BRIX1: variants seen among roughly 807,000 people sequenced by gnomAD.
The protein encoded by BRIX1 is biogenesis of ribosomes BRX1.
Under a neutral mutation model 44.0 loss-of-function variants are expected in BRIX1, and 15 were observed. The ratio of observed to expected loss-of-function variants is 0.34; its 90% CI spans 0.23 to 0.53. BRIX1 has a LOEUF of 0.53. BRIX1 is among the 20% of genes least tolerant of loss of function. The pLI is 0.95. For missense variants in BRIX1, 420 were observed against 432.8 expected (o/e 0.97, Z 0.26); for synonymous variants, 149 against 135.4 (o/e 1.10, Z -0.70).
At chr5:34,920,673 C>G (rs1241739723) in intron 3 of BRIX1, 2 of 152,054 alleles carry the variant, frequency 1.3e-5, no homozygotes, top group African/African-American at 2.4e-5. Context: ...AAAACCTGTT[C>G]AAAGGGATGG....
rs754856904 is a variant in BRIX1 at position 34,918,395 on chromosome 5, T to G, written c.191T>G (p.Ile64Ser). 6.3e-7 allele frequency: 1 copy of G among 1,587,618 alleles called. No individual in the cohort carries two copies. The highest frequency in any genetic ancestry group is 1.1e-5 in the South Asian group (1 of 89,044). ...TGGAAAAATAAGGAACGGATTCTCA[T>G]CTTTTCTTCCAGAGGAATAAATTTT... ...GKWKNKERIL[I>S]FSSRGINFRT... The change falls in exon 2 of 10, where the codon ATC becomes AGC. Residue 64 changes from isoleucine (I) to serine (S), a missense_variant. By Grantham distance (142) the Ile-to-Ser change is moderately radical (BLOSUM62 -2). Transcript: ENST00000336767.
chr5:34,920,538 A>G (rs1441690730), intron 3 of BRIX1: 1 of 152,204 alleles, frequency 6.6e-6, no homozygotes, highest in Non-Finnish European at 1.5e-5. Flanking sequence ...CAACAGAGCA[A>G]TGTCCCTGTC....
intron 8 of BRIX1, 58 bp downstream of exon 8, chr5:34,923,292 G>A: frequency 7.4e-7 from 1 of 1,349,046 alleles, no homozygotes; most frequent in Non-Finnish European, 1.1e-6. Flanking sequence ...ATTTATTTAT[G>A]TTTTGAGACA....
chr5:34,922,864 C>T, intron 6 of BRIX1, 96 bp downstream of exon 6: 1 of 1,319,354 alleles, frequency 7.6e-7, no homozygotes, highest in Non-Finnish European at 1.1e-6. Context: ...GTTTCACCCC[C>T]ACCTTGGTTT....
chr5:34,924,807 CGT>C, intron 8 of BRIX1, 38 bp from the exon 9 acceptor site: 1 of 1,477,272 alleles, frequency 6.8e-7, no homozygotes, highest in Non-Finnish European at 9.4e-7. Flanking sequence ...TTGGGAATAA[CGT>C]AACCAAACCA....
At position 34,922,995 on chromosome 5, in the gene BRIX1, TTA is replaced by T. The variant is rs1192627080; in HGVS notation, c.511-3_511-2del. 4.6e-6 allele frequency: 7 copies of T among 1,515,388 alleles called. No individual in the cohort carries two copies. The highest frequency in any genetic ancestry group is 6.4e-6 in the Non-Finnish European group (7 of 1,094,462). The allele number at this position is 1,515,388 out of a possible 1,614,324, so 93.9% of individuals were successfully genotyped here. On this transcript the variant is annotated splice_region_variant and splice_polypyrimidine_tract_variant and intron_variant, in intron 6 of 9. Coordinates refer to ENST00000336767, the MANE Select transcript of BRIX1 (RefSeq NM_018321.4). ...GTTAAATAATATGCTTACCTTATTT[TTA>T]TAGGCTTTTGATGAATTACCACATT...
intron 1 of BRIX1, chr5:34,916,441 T>C (rs374514161): frequency 3.3e-5 from 5 of 152,376 alleles, no homozygotes; most frequent in African/African-American, 9.6e-5. Context: ...TCAACAGACA[T>C]TGAATGTGCC....
chr5:34,923,301 C>A, intron 8 of BRIX1, 67 bp downstream of exon 8: 1 of 1,269,904 alleles, frequency 7.9e-7, no homozygotes, highest in Non-Finnish European at 1.1e-6. Flanking sequence ...TGTTTTGAGA[C>A]AGAGTCTCGC....
At position 34,922,282 on chromosome 5, in the gene BRIX1, T is replaced by C. The variant is rs1268122379; in HGVS notation, c.381T>C (p.Tyr127=). ...YFEAKKKQDL[Y]MWLSNSPHGP... Reference sequence around the variant, plus strand: ...AAGCTAAGAAAAAACAGGATCTCTATATGTGGTAAGAGAATGTATTAAGAT... The same window carrying C: ...AAGCTAAGAAAAAACAGGATCTCTACATGTGGTAAGAGAATGTATTAAGAT... Residue 127 remains tyrosine (Y), a synonymous_variant, in exon 4 of 10, where the codon TAT becomes TAC. Coordinates refer to ENST00000336767, the MANE Select transcript of BRIX1 (RefSeq NM_018321.4). The C allele has an allele frequency of 5.8e-6, 9 of 1,555,824 alleles. No individual in the cohort carries two copies. The East Asian group carries it at 6.8e-5, about 12-fold the overall frequency.
rs1580513967 is a variant in BRIX1, at chr5:34,924,965, C to T, written c.782C>T (p.Ser261Leu). ...PTLYENPHYQ[S>L]PNMHRRVIRS... ...TTATATGAAAATCCTCACTACCAGT[C>T]ACCAAACATGGTAAGCGGTTGTGTC... The change falls in exon 9 of 10, where the codon TCA (serine) becomes TTA (leucine). Residue 261 changes from serine to leucine, a missense_variant. Transcript: ENST00000336767. The T allele has an allele frequency of 1.2e-6, 2 of 1,612,868 alleles. No homozygotes were observed. The highest frequency in any genetic ancestry group is 2.2e-5 in the East Asian group (1 of 44,860).
chr5:34,919,893 GA>G lies in BRIX1; in HGVS notation c.315+13del. On this transcript the variant is annotated intron_variant, in intron 3 of 9. Transcript: ENST00000336767. ...ATTTGTGATTAACGAGGTAATTTTG[GA>G]AAGTAATTGCAACAAAATATTTTTA... The G allele has an allele frequency of 1.9e-6, 2 of 1,061,430 alleles. No homozygotes were observed. The highest frequency in any genetic ancestry group is 2.8e-6 in the Non-Finnish European group (2 of 715,234). The allele number at this position is 1,061,430 out of a possible 1,614,324, so 65.8% of individuals were successfully genotyped here. A position where few individuals can be genotyped will look rare whatever the true frequency, so the allele number is the denominator to read the frequency against.
intron 1 of BRIX1, among the ~76,000 whole-genome samples, chr5:34,917,250 G>C (rs1033479869): frequency 6.6e-6 from 1 of 152,198 alleles, no homozygotes; most frequent in African/African-American, 2.4e-5. Flanking sequence ...TGATGTAGAC[G>C]TGAAAATCTA....
In BRIX1 at chr5:34,925,576, CT is replaced by C; in HGVS notation, c.*82del. On this transcript the variant is annotated 3_prime_UTR_variant, in exon 10 of 10. Transcript: ENST00000336767. ...GTGTAAATACTTTTATTATCTAATACTATCTTACGTCTAATTAGTGTAGCAT... is the reference window on the plus strand; with the variant it reads ...GTGTAAATACTTTTATTATCTAATACATCTTACGTCTAATTAGTGTAGCAT... The C allele has an allele frequency of 8.3e-7, 1 of 1,206,240 alleles. No individual in the cohort carries two copies. Among genetic ancestry groups the C allele is most frequent in the South Asian group, 1.7e-5 (1 of 59,984 alleles). 74.7% of individuals were successfully genotyped at this position (1,206,240 alleles called of 1,614,324 possible).
chr5:34,920,971 TCTC>T (rs1216788259), intron 3 of BRIX1: 2 of 152,306 alleles, frequency 1.3e-5, no homozygotes, highest in South Asian at 4.1e-4. Flanking sequence ...TTTAAGCAAT[TCTC>T]CTGCCTCAGC....
At position 34,915,952 on chromosome 5, in the gene BRIX1, C is replaced by T. The variant is rs927526606; in HGVS notation, c.159+55C>T. 1.0e-5 allele frequency: 15 copies of T among 1,480,202 alleles called. No homozygotes were observed. In the Admixed American group the frequency reaches 2.9e-4, roughly 29 times the overall value. 91.7% of individuals were successfully genotyped at this position (1,480,202 alleles called of 1,614,324 possible). On this transcript the variant is annotated intron_variant, in intron 1 of 9. Transcript: ENST00000336767. ...GCGGCGGCGGCTCTGTGCGCCTTTT[C>T]TTGGGTTACTTACTTGACTACAGCC...
At chr5:34,919,585 A>G (rs1240023143) in intron 2 of BRIX1, among the ~76,000 whole-genome samples, 1 of 152,192 alleles carries the variant, frequency 6.6e-6, no homozygotes, top group Non-Finnish European at 1.5e-5. Flanking sequence ...GAATACCTAA[A>G]TATTGAGAAA....
At chr5:34,923,597 T>C (rs900347785) in intron 8 of BRIX1, among the ~76,000 whole-genome samples, 2 of 151,998 alleles carry the variant, frequency 1.3e-5, no homozygotes, top group Non-Finnish European at 2.9e-5. Flanking sequence ...TTTTTAGAGA[T>C]AGAGTGTCGC....
chr5:34,916,036 G>A, intron 1 of BRIX1, 139 bp downstream of exon 1: 1 of 959,904 alleles, frequency 1.0e-6, no homozygotes, highest in Non-Finnish European at 1.5e-6. Context: ...CAATTCTCCC[G>A]GCCAGACTGG....
chr5:34,923,090 A>T (rs1208808313), intron 7 of BRIX1, 39 bp downstream of exon 7: 11 of 1,563,980 alleles, frequency 7.0e-6, no homozygotes, highest in Admixed American at 3.3e-5. Flanking sequence ...AATATACATG[A>T]TATATCTTGG....
Sources: allele counts gnomAD v4.1 joint callset (sites outside exome capture counted in the v4.1 genomes callset), GRCh38; gene constraint gnomAD v4.1.1; transcripts MANE v1.5; gene names NCBI Gene and HGNC (gene_info 2026-07-23, HGNC 2026-07-21).